The following ANO1 variants were observed in gnomAD, a reference collection of about 807,000 sequenced individuals.
The protein encoded by ANO1 is anoctamin 1, also known as anoctamin-1.
ANO1 carries 59 observed loss-of-function variants against 124.0 expected under a neutral mutation model. The observed-to-expected ratio is 0.48, with a 90% CI of 0.39 to 0.59. The LOEUF is 0.59. ANO1 is among the 20% of genes least tolerant of loss of function. The probability of loss-of-function intolerance (pLI) is 0.00; values close to 1 mark genes in which losing one functional copy is unlikely to be tolerated. For missense variants in ANO1, 1,059 were observed against 1,328.0 expected, an observed-to-expected ratio of 0.80 and a Z score of 3.15; for synonymous variants, 529 against 532.0, an observed-to-expected ratio of 0.99 and a Z score of 0.08.
chr11:70,066,308 G>A (rs1305868903), intron 1 of ANO1, among the ~76,000 whole-genome samples: 1 of 152,132 alleles, frequency 6.6e-6, no homozygotes, highest in Non-Finnish European at 1.5e-5. Context: ...CCCTGAGCTT[G>A]CATTCCCAAG....
At chr11:69,966,565 T>C in the ANO1 span, among the ~76,000 whole-genome samples, 1 of 151,888 alleles carries the variant, frequency 6.6e-6, no homozygotes, top group East Asian at 1.9e-4. Flanking sequence ...GAGGCCGGCA[T>C]GTGGGAGGCG....
chr11:70,069,774 C>T (rs958607904), intron 1 of ANO1, among the ~76,000 whole-genome samples: 5 of 152,038 alleles, frequency 3.3e-5, no homozygotes, highest in African/African-American at 1.2e-4. Flanking sequence ...CTTGGAGGAT[C>T]TGGGCTGTGA....
intron 2 of ANO1, among the ~76,000 whole-genome samples, chr11:70,096,801 C>G (rs987469453): frequency 6.6e-6 from 1 of 152,106 alleles, no homozygotes; most frequent in Middle Eastern, 3.2e-3. Context: ...GCGGAGATTG[C>G]AGTCAGCCAA....
intron 2 of ANO1, among the ~76,000 whole-genome samples, chr11:70,098,850 C>T (rs1161316967): frequency 7.9e-5 from 12 of 152,180 alleles, no homozygotes. Flanking sequence ...GTGTATCCAC[C>T]ATGGGGACTC....
intron 2 of ANO1, among the ~76,000 whole-genome samples, chr11:70,096,978 A>T (rs1002405259): frequency 2.0e-5 from 3 of 152,184 alleles, no homozygotes; most frequent in African/African-American, 7.2e-5. Flanking sequence ...GGTGCTAAAA[A>T]GGTTGGGGAC....
chr11:70,001,679 G>A (rs1218123415), intron 1 of ANO1, among the ~76,000 whole-genome samples: 1 of 152,226 alleles, frequency 6.6e-6, no homozygotes, highest in African/African-American at 2.4e-5. Context: ...GGTGCTGCCA[G>A]GTGCTGGGTG....
chr11:70,170,092 G>A (rs1462711700), intron 21 of ANO1: 1 of 455,290 alleles, frequency 2.2e-6, no homozygotes, highest in Non-Finnish European at 4.4e-6. Flanking sequence ...GACTGTCCTG[G>A]GCAGTGGGTC....
At chr11:69,982,681 T>C (rs1855969421), upstream of ANO1, among the ~76,000 whole-genome samples, 1 of 152,148 alleles carries the variant, frequency 6.6e-6, no homozygotes. Context: ...GGACTGACTC[T>C]GTTAGGCTGC....
At chr11:70,014,388 C>T (rs1259322102) in intron 1 of ANO1, among the ~76,000 whole-genome samples, 2 of 151,868 alleles carry the variant, frequency 1.3e-5, no homozygotes, top group African/African-American at 4.8e-5. Context: ...ATGTCAACAT[C>T]AATGCCGTTG....
At chr11:70,025,123 T>A (rs1856868655) in intron 1 of ANO1, among the ~76,000 whole-genome samples, 1 of 152,210 alleles carries the variant, frequency 6.6e-6, no homozygotes, top group Non-Finnish European at 1.5e-5. Flanking sequence ...AGAACACAGC[T>A]TTGGCCTCAG....
chr11:70,014,829 G>GTTTTTTTTTTTTTTTTTTT (rs5792503), intron 1 of ANO1: 1 of 140,580 alleles, frequency 7.1e-6, no homozygotes. Flanking sequence ...TTTTGTTTTT[G>GTTTTTTTTTTTTTTTTTTT]TTTTTTTTTT....
rs375072440 is a variant in ANO1, at chr11:70,103,157, C to G, written c.533C>G (p.Thr178Arg). 5.6e-6 allele frequency: 9 copies of G among 1,609,692 alleles called. No homozygotes were observed. The highest frequency in any genetic ancestry group is 7.6e-6 in the Non-Finnish European group (9 of 1,178,064). ...EAEFLKLKMP[T>R]KKMYHINETR... ...GAGTTTCTGAAACTGAAGATGCCGA[C>G]GAAGAAGGTTGGTGTTGATGGTCCT... Residue 178 changes from threonine (T) to arginine (R), a missense_variant, in exon 3 of 26, where the codon ACG becomes AGG. Around this residue, in one of 2 missense-constraint regions of ANO1, gnomAD observed 809 missense variants for 1,094.9 expected, o/e 0.74. Transcript: ENST00000355303.
intron 1 of ANO1, among the ~76,000 whole-genome samples, chr11:70,021,577 C>T (rs368560804): frequency 2.0e-4 from 30 of 152,094 alleles, no homozygotes; most frequent in African/African-American, 6.8e-4. Context: ...CATTGTCCCC[C>T]GGAACCTGGT....
chr11:70,130,063 C>T (rs1394707582), intron 10 of ANO1, among the ~76,000 whole-genome samples: 1 of 152,172 alleles, frequency 6.6e-6, no homozygotes, highest in Non-Finnish European at 1.5e-5. Context: ...GTGGACCAGG[C>T]ATGGTTCTGC....
chr11:70,085,409 G>C, intron 1 of ANO1: 1 of 1,516,322 alleles, frequency 6.6e-7, no homozygotes, highest in Non-Finnish European at 8.8e-7. Flanking sequence ...CAAGGTGGGC[G>C]GGGCACGCAC....
intron 1 of ANO1, among the ~76,000 whole-genome samples, chr11:70,033,566 C>A (rs1857042619): frequency 6.6e-6 from 1 of 152,120 alleles, no homozygotes; most frequent in African/African-American, 2.4e-5. Context: ...TCTCTTCTCC[C>A]TGTGGCCTTA....
chr11:70,107,891 C>G (rs1048600018), intron 5 of ANO1, among the ~76,000 whole-genome samples: 2 of 152,216 alleles, frequency 1.3e-5, no homozygotes, highest in Non-Finnish European at 2.9e-5. Context: ...TCCCAAGGCC[C>G]GCCCCACCAC....
chr11:70,002,824 CT>C (rs1372912973), intron 1 of ANO1, among the ~76,000 whole-genome samples: 2 of 152,190 alleles, frequency 1.3e-5, no homozygotes, highest in Non-Finnish European at 2.9e-5. Flanking sequence ...TGGTTCCTGT[CT>C]GATTCTATAC....
chr11:70,141,925 C>CG (rs1300657089), intron 11 of ANO1, among the ~76,000 whole-genome samples: 1 of 151,998 alleles, frequency 6.6e-6, no homozygotes, highest in East Asian at 1.9e-4. Context: ...ACCCGCCCGC[C>CG]GGGGTGTGGG....
Sources: allele counts gnomAD v4.1 joint callset (sites outside exome capture counted in the v4.1 genomes callset), GRCh38; gene constraint gnomAD v4.1.1; regional missense constraint gnomAD v4.1.1; transcripts MANE v1.5; gene names NCBI Gene and HGNC (gene_info 2026-07-23, HGNC 2026-07-21).